The following TBC1D17 variants were observed in gnomAD, a reference collection of about 807,000 sequenced individuals.
TBC1D17 encodes the protein TBC1 domain family, member 17.
TBC1D17 carries 69 observed loss-of-function variants against 78.8 expected under a neutral mutation model. That is an observed-to-expected ratio of 0.88 (90% confidence interval 0.72 to 1.07). The LOEUF (loss-of-function observed/expected upper bound fraction) is 1.07. Ranked by LOEUF, TBC1D17 falls within the 50% of genes least tolerant of loss-of-function variation. The probability of loss-of-function intolerance (pLI) is 0.00; values close to 1 mark genes in which losing one functional copy is unlikely to be tolerated. For missense variants in TBC1D17, 957 were observed against 861.0 expected (o/e 1.11, Z -1.39); for synonymous variants, 456 against 358.3 (o/e 1.27, Z -3.08).
rs1490176899 is a variant in TBC1D17 at position 49,882,069 on chromosome 19, G to T, written c.556G>T (p.Val186Phe). The T allele has an allele frequency of 3.1e-6, 5 of 1,613,928 alleles. No individual in the cohort carries two copies. Among genetic ancestry groups the T allele is most frequent in the Non-Finnish European group, 4.2e-6 (5 of 1,180,004 alleles). ...SSPQDSRLYL[V>F]FPHDSSALSN... ...CCCGCAGGACTCCCGCCTCTACCTT[G>T]TCTTCCCCCACGACTCCTCTGCTCT... Residue 186 changes from valine to phenylalanine, a missense_variant, in exon 6 of 17, where the codon GTC becomes TTC. By Grantham distance (50) the Val-to-Phe change is conservative (BLOSUM62 -1). Transcript: ENST00000221543.
Position 49,887,716 on chromosome 19 carries a change from A to C in TBC1D17, c.1543-2A>C. ...CTCCCTCCCTCTGTCCCGCACCCTC[A>C]GGTGCTGTGGACAGGGCTCCCTGGC... is the stretch of plus-strand genomic sequence containing the variant. On this transcript the variant is annotated splice_acceptor_variant, in intron 14 of 16. Transcript: ENST00000221543. LOFTEE classifies it high-confidence loss of function. 6.2e-7 allele frequency: 1 copy of C among 1,613,506 alleles called. No homozygotes were observed. Among genetic ancestry groups the C allele is most frequent in the African/African-American group, 1.3e-5 (1 of 75,052 alleles).
In TBC1D17 at chr19:49,877,757, G is replaced by T. The variant is rs776880920; in HGVS notation, c.21+13G>T. The T allele has an allele frequency of 1.3e-6, 2 of 1,590,264 alleles. No individual in the cohort carries two copies. The highest frequency in any genetic ancestry group is 1.7e-6 in the Non-Finnish European group (2 of 1,168,964). ...AGCCGGCTACAGGGTAAGCACTGAG[G>T]ACGCATTCCCTCGCTTCAGTGTATG... On this transcript the variant is annotated intron_variant, in intron 1 of 16. Coordinates refer to ENST00000221543, the MANE Select transcript of TBC1D17 (RefSeq NM_024682.3).
At chr19:49,878,770 C>CA (rs1330716860) in intron 3 of TBC1D17, 198 bp downstream of exon 3, 1 of 592,996 alleles carries the variant, frequency 1.7e-6, no homozygotes, top group African/African-American at 1.9e-5. Flanking sequence ...GGAAAAAGAG[C>CA]AGGGAGCATA....
At position 49,883,657 on chromosome 19, in the gene TBC1D17, G is replaced by A. The variant is rs746299813; in HGVS notation, c.1038G>A (p.Glu346=). The A allele has an allele frequency of 6.2e-7, 1 of 1,613,886 alleles. No individual in the cohort carries two copies. Among genetic ancestry groups the A allele is most frequent in the Non-Finnish European group, 8.5e-7 (1 of 1,179,882 alleles). Reference sequence around the variant, plus strand: ...GTTTCCCTCTGTCACTCAGGGATGAGTATTTCCGCATGAAGCTGCAGTGGA... The same window carrying A: ...GTTTCCCTCTGTCACTCAGGGATGAATATTTCCGCATGAAGCTGCAGTGGA... The part of the protein sequence containing the change: ...HKAHIRKKTD[E]YFRMKLQWKS... Residue 346 remains glutamate, a synonymous_variant, in exon 10 of 17, where the codon GAG becomes GAA. Transcript: ENST00000221543.
intron 4 of TBC1D17, among the ~76,000 whole-genome samples, chr19:49,880,625 G>A: frequency 6.6e-6 from 1 of 152,224 alleles, no homozygotes; most frequent in South Asian, 2.1e-4. Context: ...TCATCCTACT[G>A]GGCTCCCGGA....
At position 49,888,526 on chromosome 19, in the gene TBC1D17, G is replaced by GGCCCCCCCCCCCC; in HGVS notation, c.1849_1850insGCCCCCCCCCCCC (p.Ala617GlyfsTer67). The GGCCCCCCCCCCCC allele has an allele frequency of 2.0e-6, 3 of 1,533,164 alleles. No homozygotes were observed. Among genetic ancestry groups the GGCCCCCCCCCCCC allele is most frequent in the Non-Finnish European group, 1.8e-6 (2 of 1,141,112 alleles). 95.0% of individuals were successfully genotyped at this position (1,533,164 alleles called of 1,614,324 possible). A position where few individuals can be genotyped will look rare whatever the true frequency, so the allele number is the denominator to read the frequency against. On this transcript the variant is annotated frameshift_variant, in exon 17 of 17. Coordinates refer to ENST00000221543, the MANE Select transcript of TBC1D17 (RefSeq NM_024682.3). LOFTEE classifies it low-confidence loss of function (END_TRUNC). ...CCCGCTGCCTCTGTCGCCCACCCGGGCCCCGCCCACCCCGCCGCCCTCCAC... is the reference window on the plus strand; with the variant it reads ...CCCGCTGCCTCTGTCGCCCACCCGGGGCCCCCCCCCCCCCCCCGCCCACCCCGCCGCCCTCCAC...
rs2075002527 is a variant in TBC1D17 at position 49,880,362 on chromosome 19, C to T, written c.279C>T (p.Ser93=). 1 of 1,613,912 alleles carries T rather than the reference C, an allele frequency of 6.2e-7. No individual in the cohort carries two copies. The highest frequency in any genetic ancestry group is 1.3e-5 in the African/African-American group (1 of 74,932). Residue 93 remains serine (S), a synonymous_variant, in exon 4 of 17, where the codon AGC becomes AGT. Transcript: ENST00000221543. ...PGYEPDWAVI[S]TVRPQLCHSE... ...ATGAACCTGACTGGGCTGTCATCAG[C>T]ACTGTGCGGCCACAGCTCTGCCACT... is the stretch of plus-strand genomic sequence containing the variant.
In TBC1D17 at chr19:49,877,868, A is replaced by T. The variant is rs1045183496; in HGVS notation, c.21+124A>T. 12 of 1,227,398 alleles carry T rather than the reference A, an allele frequency of 9.8e-6. No homozygotes were observed. In the African/African-American group the frequency reaches 1.5e-4, roughly 16 times the overall value. 76.0% of individuals were successfully genotyped at this position (1,227,398 alleles called of 1,614,324 possible). ...CGGCCTTGGCAAACACCGATCTCTT[A>T]TAAACGCGCCGTCACCCTCCCGTCC... On this transcript the variant is annotated intron_variant, in intron 1 of 16. Transcript: ENST00000221543.
intron 14 of TBC1D17, 36 bp downstream of exon 14, chr19:49,887,609 G>T: frequency 1.2e-6 from 2 of 1,612,742 alleles, no homozygotes; most frequent in Non-Finnish European, 1.7e-6. Flanking sequence ...GCCTGAAGGG[G>T]TGGGCTCACC....
At chr19:49,887,695 C>G in intron 14 of TBC1D17, 23 bp from the exon 15 acceptor site, 2 of 1,612,152 alleles carry the variant, frequency 1.2e-6, no homozygotes, top group Non-Finnish European at 1.7e-6. Context: ...ACCTCCCTCC[C>G]TCCCTCTGTC....
rs1039625992 is a variant in TBC1D17, at chr19:49,884,347, C to T, written c.1221C>T (p.Tyr407=). 6.2e-7 allele frequency: 1 copy of T among 1,614,100 alleles called. No homozygotes were observed. Among genetic ancestry groups the T allele is most frequent in the Non-Finnish European group, 8.5e-7 (1 of 1,180,014 alleles). ...TGCTGAACGATATCCTCCTCACCTA[C>T]TGCATGTATCACTTCGACCTCGGTG... is the stretch of plus-strand genomic sequence containing the variant. ...LGLLNDILLT[Y]CMYHFDLGYV... The change falls in exon 11 of 17, where the codon TAC becomes TAT. Residue 407 remains tyrosine (Y), a synonymous_variant. Transcript: ENST00000221543.
chr19:49,885,884 A>G (rs1400248239), intron 13 of TBC1D17, among the ~76,000 whole-genome samples: 5 of 151,182 alleles, frequency 3.3e-5, no homozygotes, highest in East Asian at 3.9e-4. Context: ...CTGAGGCACA[A>G]GAATCACTCG....
rs112666878 is a variant in TBC1D17 at position 49,888,288 on chromosome 19, G to A, written c.1717G>A (p.Ala573Thr). The A allele has an allele frequency of 5.7e-6, 9 of 1,590,736 alleles. No individual in the cohort carries two copies. The African/African-American group carries it at 1.1e-4, about 19-fold the overall frequency. ...GGAGGACGTGCTGACCCGCGCCGAG[G>A]CCCTGCACCGCCAGCTAACCGCCTG... is the stretch of plus-strand genomic sequence containing the variant. ...SVEDVLTRAE[A>T]LHRQLTACPE... The change falls in exon 16 of 17, where the codon GCC becomes ACC. Residue 573 changes from alanine to threonine, a missense_variant. Physicochemically the swap from Ala to Thr is moderately conservative, Grantham distance 58. Transcript: ENST00000221543.
In TBC1D17 at chr19:49,882,092, T is replaced by C; in HGVS notation, c.579T>C (p.Ala193=). Residue 193 remains alanine, a synonymous_variant, in exon 6 of 17, where the codon GCT becomes GCC. Coordinates refer to ENST00000221543, the MANE Select transcript of TBC1D17 (RefSeq NM_024682.3). The part of the protein sequence containing the change: ...LYLVFPHDSS[A]LSNSFHHLQL... ...TTGTCTTCCCCCACGACTCCTCTGCTCTCTCCAACTCCTTCCACCACCTGC... is the reference window on the plus strand; with the variant it reads ...TTGTCTTCCCCCACGACTCCTCTGCCCTCTCCAACTCCTTCCACCACCTGC... 5 of 1,614,040 alleles carry C rather than the reference T, an allele frequency of 3.1e-6. No homozygotes were observed. Among genetic ancestry groups the C allele is most frequent in the Non-Finnish European group, 4.2e-6 (5 of 1,179,994 alleles).
At position 49,884,654 on chromosome 19, in the gene TBC1D17, C is replaced by G. The variant is rs1262201068; in HGVS notation, c.1345-5C>G. ...TGCTCTTTCCCCCCTCCTTCCGTCC[C>G]ACAGCAAGGGAACTTTGAAGAGAGC... On this transcript the variant is annotated splice_polypyrimidine_tract_variant and splice_region_variant and intron_variant, in intron 12 of 16. Coordinates refer to ENST00000221543, the MANE Select transcript of TBC1D17 (RefSeq NM_024682.3). 5 of 1,614,150 alleles carry G rather than the reference C, an allele frequency of 3.1e-6. No individual in the cohort carries two copies. In the East Asian group the frequency reaches 1.1e-4, roughly 36 times the overall value.
chr19:49,888,086 G>A, intron 15 of TBC1D17, 145 bp from the exon 16 acceptor site: 1 of 1,335,120 alleles, frequency 7.5e-7, no homozygotes, highest in East Asian at 2.5e-5. Context: ...GGAGGCCTGA[G>A]AAGCATGTCT....
At chr19:49,880,249 C>T (rs758589330) in intron 3 of TBC1D17, 30 bp from the exon 4 acceptor site, 1 of 1,612,790 alleles carries the variant, frequency 6.2e-7, no homozygotes, top group South Asian at 1.1e-5. Context: ...ATCCATGGCC[C>T]CTTACTGTCT....
chr19:49,881,142 G>A (rs2075008830), intron 4 of TBC1D17, 126 bp from the exon 5 acceptor site: 2 of 750,062 alleles, frequency 2.7e-6, no homozygotes, highest in Admixed American at 5.4e-5. Flanking sequence ...GAGGCCAGGG[G>A]CAGAGGGGTG....
At position 49,879,821 on chromosome 19, in the gene TBC1D17, C is replaced by A. The variant is rs1008959322; in HGVS notation, c.196-458C>A. 2.7e-5 allele frequency among the ~76,000 whole-genome samples: 4 copies of A among 149,770 alleles called. No homozygotes were observed. In the East Asian group the frequency reaches 7.8e-4, roughly 29 times the overall value. The stretch of plus-strand genomic sequence containing the variant: ...TCGCTCTCTGGCTGCATTGGGTGAC[C>A]CTGAGCAAGTGCTGTACTTTCTTTT... On this transcript the variant is annotated intron_variant, in intron 3 of 16. Coordinates refer to ENST00000221543, the MANE Select transcript of TBC1D17 (RefSeq NM_024682.3).
Sources: gnomAD v4.1 joint callset for allele counts (sites outside exome capture counted in the v4.1 genomes callset) on GRCh38, gnomAD v4.1.1 for gene constraint, MANE v1.5 for transcripts, NCBI Gene and HGNC (gene_info 2026-07-23, HGNC 2026-07-21) for gene names.